PCDH9: variants seen among roughly 807,000 people sequenced by gnomAD.
PCDH9 encodes the protein protocadherin-9.
In PCDH9, 24 loss-of-function variants were observed where a neutral mutation model predicts 70.6. The observed-to-expected ratio is 0.34, with a 90% CI of 0.25 to 0.48. PCDH9 has a LOEUF of 0.48. Ranked by LOEUF, PCDH9 falls within the 20% of genes least tolerant of loss-of-function variation. The pLI, the probability that PCDH9 is intolerant of heterozygous loss-of-function variation, is 0.99. For missense variants in PCDH9, 1,281 were observed against 1,503.6 expected (o/e 0.85, Z 2.45); for synonymous variants, 562 against 558.5 (o/e 1.01, Z -0.09).
intron 2 of PCDH9, among the ~76,000 whole-genome samples, chr13:66,994,060 C>T (rs1330875163): frequency 6.6e-6 from 1 of 151,930 alleles, no homozygotes; most frequent in Non-Finnish European, 1.5e-5. Flanking sequence ...TGAAAAATTG[C>T]GAGAAAAACT....
At chr13:66,826,939 C>T (rs1327658042) in intron 3 of PCDH9, among the ~76,000 whole-genome samples, 1 of 152,126 alleles carries the variant, frequency 6.6e-6, no homozygotes, top group African/African-American at 2.4e-5. Flanking sequence ...TCCCTACAAC[C>T]TGTAAATGCT....
intron 2 of PCDH9, among the ~76,000 whole-genome samples, chr13:67,171,386 G>A (rs1285979631): frequency 6.6e-6 from 1 of 152,120 alleles, no homozygotes; most frequent in Non-Finnish European, 1.5e-5. Flanking sequence ...GCTTTTGGAG[G>A]ACTAGACTGT....
At chr13:67,095,371 A>C (rs1483145415) in intron 2 of PCDH9, among the ~76,000 whole-genome samples, 1 of 152,172 alleles carries the variant, frequency 6.6e-6, no homozygotes, top group Non-Finnish European at 1.5e-5. Flanking sequence ...TTAGCAAACA[A>C]AAATATTTGT....
At chr13:67,172,557 T>C (rs1461462262) in intron 2 of PCDH9, among the ~76,000 whole-genome samples, 1 of 152,078 alleles carries the variant, frequency 6.6e-6, no homozygotes, top group Non-Finnish European at 1.5e-5. Flanking sequence ...GGGCTCAACT[T>C]CAAAGGGCTT....
At chr13:66,590,804 G>A (rs936408849) in intron 4 of PCDH9, among the ~76,000 whole-genome samples, 3 of 151,650 alleles carry the variant, frequency 2.0e-5, no homozygotes, top group African/African-American at 7.3e-5. Flanking sequence ...TAAAAAATTT[G>A]TATTTTCTTT....
intron 2 of PCDH9, among the ~76,000 whole-genome samples, chr13:66,955,691 A>G (rs935750452): frequency 1.3e-5 from 2 of 152,212 alleles, no homozygotes; most frequent in Admixed American, 1.3e-4. Context: ...ATGAACTAAC[A>G]TTTGCAAGTA....
chr13:66,817,317 C>T (rs937893177), intron 3 of PCDH9, among the ~76,000 whole-genome samples: 14 of 152,054 alleles, frequency 9.2e-5, no homozygotes, highest in African/African-American at 3.4e-4. Flanking sequence ...AGAAGACATA[C>T]TGTAAAGGAT....
At chr13:66,654,414 G>C (rs1473173269) in intron 3 of PCDH9, among the ~76,000 whole-genome samples, 1 of 151,888 alleles carries the variant, frequency 6.6e-6, no homozygotes, top group South Asian at 2.1e-4. Context: ...TAGCACAACA[G>C]GGAAACTACA....
chr13:66,711,691 T>A (rs1593934548), intron 3 of PCDH9, among the ~76,000 whole-genome samples: 1 of 152,180 alleles, frequency 6.6e-6, no homozygotes, highest in Non-Finnish European at 1.5e-5. Context: ...TTTCGAAATA[T>A]ACTCATTTTT....
At chr13:66,863,509 T>C (rs187400773) in intron 3 of PCDH9, among the ~76,000 whole-genome samples, 12 of 152,268 alleles carry the variant, frequency 7.9e-5, no homozygotes, top group Admixed American at 1.3e-4. Flanking sequence ...TTTTCTGAGA[T>C]GGAGTCTCAC....
At chr13:66,502,023 G>A (rs1037125659) in intron 4 of PCDH9, among the ~76,000 whole-genome samples, 1 of 152,074 alleles carries the variant, frequency 6.6e-6, no homozygotes. Context: ...ACAAAGGTGA[G>A]AAACAGATGC....
chr13:67,087,221 G>A (rs1165575135), intron 2 of PCDH9, among the ~76,000 whole-genome samples: 1 of 151,836 alleles, frequency 6.6e-6, no homozygotes, highest in Non-Finnish European at 1.5e-5. Flanking sequence ...ATAACACCTG[G>A]ACAGCCTGTA....
chr13:67,014,785 A>ATCCACCATT, intron 2 of PCDH9, among the ~76,000 whole-genome samples: 1 of 152,004 alleles, frequency 6.6e-6, no homozygotes, highest in Non-Finnish European at 1.5e-5. Flanking sequence ...CATTGCCTCC[A>ATCCACCATT]TCCACCATTT....
At chr13:66,380,363 T>C (rs1486291420) in intron 4 of PCDH9, among the ~76,000 whole-genome samples, 2 of 152,180 alleles carry the variant, frequency 1.3e-5, no homozygotes, top group Non-Finnish European at 2.9e-5. Context: ...ATTCTTTTCC[T>C]AGTTCATGGA....
intron 3 of PCDH9, among the ~76,000 whole-genome samples, chr13:66,787,224 C>G (rs957426866): frequency 6.6e-6 from 1 of 152,140 alleles, no homozygotes; most frequent in African/African-American, 2.4e-5. Flanking sequence ...AAACTTAAGA[C>G]AGCACACGGT....
chr13:67,186,400 A>G (rs2088761432), intron 2 of PCDH9, among the ~76,000 whole-genome samples: 1 of 152,184 alleles, frequency 6.6e-6, no homozygotes, highest in Non-Finnish European at 1.5e-5. Flanking sequence ...AATTCATACT[A>G]TAATAAAGAA....
At chr13:66,610,712 G>A (rs528551686) in intron 4 of PCDH9, among the ~76,000 whole-genome samples, 16 of 152,236 alleles carry the variant, frequency 1.1e-4, no homozygotes, top group Admixed American at 1.0e-3. Flanking sequence ...GCTTAAATCG[G>A]AACACAACAT....
chr13:67,007,930 C>T (rs1594384279), intron 2 of PCDH9, among the ~76,000 whole-genome samples: 1 of 152,106 alleles, frequency 6.6e-6, no homozygotes, highest in African/African-American at 2.4e-5. Flanking sequence ...ATGGAAAATG[C>T]TTCTGGTCCT....
At chr13:66,631,180 C>G (rs1393566527) in intron 4 of PCDH9, 30 bp downstream of exon 4, 9 of 1,181,218 alleles carry the variant, frequency 7.6e-6, no homozygotes, top group Non-Finnish European at 1.1e-5. Context: ...AGAACAACTC[C>G]AAGCAATCAA....
Sources: gnomAD v4.1 joint callset for allele counts (sites outside exome capture counted in the v4.1 genomes callset) on GRCh38, gnomAD v4.1.1 for gene constraint, MANE v1.5 for transcripts, NCBI Gene and HGNC (gene_info 2026-07-23, HGNC 2026-07-21) for gene names.